The following SLAIN2 variants were observed in gnomAD, a reference collection of about 807,000 sequenced individuals.
SLAIN2 encodes the protein SLAIN motif-containing protein 2.
Under a neutral mutation model 56.6 loss-of-function variants are expected in SLAIN2, and 31 were observed. The observed-to-expected ratio is 0.55, with a 90% CI of 0.41 to 0.74. The LOEUF is 0.74. Among genes scored for constraint, SLAIN2 ranks in the 30% least tolerant of loss-of-function variants. The pLI is 0.00. For missense variants in SLAIN2, 777 were observed against 754.2 expected (o/e 1.03, Z -0.35); for synonymous variants, 317 against 284.9 (o/e 1.11, Z -1.13).
At chr4:48,412,419 C>G (rs976767501) in intron 6 of SLAIN2, among the ~76,000 whole-genome samples, 2 of 85,064 alleles carry the variant, frequency 2.4e-5, no homozygotes, top group Non-Finnish European at 5.7e-5. Context: ...CACACACATT[C>G]CCTCTCTCTC....
intron 6 of SLAIN2, among the ~76,000 whole-genome samples, chr4:48,399,903 G>A (rs185902019): frequency 3.0e-4 from 45 of 152,234 alleles, no homozygotes; most frequent in Non-Finnish European, 4.9e-4. Context: ...GGTTCAGTTT[G>A]CCAGTATTAT....
chr4:48,401,103 G>C lies in SLAIN2; in HGVS notation c.1360+17319G>C, dbSNP rs139728203. Among the ~76,000 whole-genome samples, 89 of 152,272 alleles carry C rather than the reference G, an allele frequency of 5.8e-4. No homozygotes were observed. In the East Asian group the frequency reaches 0.01, roughly 17 times the overall value. Reference sequence around the variant, plus strand: ...ACTTTCCATGTAGTTGTGTGGTTTTGAGTGGATTTCTTAATCTTGAGTTTT... The same window carrying C: ...ACTTTCCATGTAGTTGTGTGGTTTTCAGTGGATTTCTTAATCTTGAGTTTT... On this transcript the variant is annotated intron_variant, in intron 6 of 7. Coordinates refer to ENST00000264313, the MANE Select transcript of SLAIN2 (RefSeq NM_020846.2).
At chr4:48,397,459 A>G (rs1418508688) in intron 6 of SLAIN2, among the ~76,000 whole-genome samples, 1 of 152,218 alleles carries the variant, frequency 6.6e-6, no homozygotes, top group East Asian at 1.9e-4. Flanking sequence ...ACGTTGAAAT[A>G]AACAGTATTT....
chr4:48,382,482 T>C (rs6816010), intron 4 of SLAIN2, 86 bp from the exon 5 acceptor site: 531,297 of 1,316,666 alleles, frequency 0.4, 111,457 homozygotes, highest in African/African-American at 0.64. Flanking sequence ...CTTTGAATTT[T>C]TCAGTGATAA....
At position 48,422,961 on chromosome 4, in the gene SLAIN2, A is replaced by T. The variant is rs1717200301; in HGVS notation, c.*884A>T. The T allele has an allele frequency of 1.3e-5, 2 of 152,178 alleles. No individual in the cohort carries two copies. The highest frequency in any genetic ancestry group is 4.1e-4 in the South Asian group (2 of 4,836). 9.4% of individuals were successfully genotyped at this position (152,178 alleles called of 1,614,324 possible). On this transcript the variant is annotated 3_prime_UTR_variant, in exon 8 of 8. Coordinates refer to ENST00000264313, the MANE Select transcript of SLAIN2 (RefSeq NM_020846.2). ...TTGTTTCTATTAGCAGGTTTTCATGATAGGAAAGAACAAGTAGTGTGTGTC... is the reference window on the plus strand; with the variant it reads ...TTGTTTCTATTAGCAGGTTTTCATGTTAGGAAAGAACAAGTAGTGTGTGTC...
chr4:48,396,385 T>C (rs1716388453), intron 6 of SLAIN2, among the ~76,000 whole-genome samples: 1 of 152,226 alleles, frequency 6.6e-6, no homozygotes, highest in Non-Finnish European at 1.5e-5. Flanking sequence ...GCATTATCAT[T>C]ACCTACCTCT....
At chr4:48,359,342 A>G (rs1323683273) in intron 1 of SLAIN2, among the ~76,000 whole-genome samples, 1 of 152,212 alleles carries the variant, frequency 6.6e-6, no homozygotes, top group Admixed American at 6.5e-5. Context: ...CCTGTAAAAA[A>G]TTTGCATCTA....
chr4:48,341,635 C>T lies in SLAIN2; in HGVS notation c.-105C>T. On this transcript the variant is annotated 5_prime_UTR_variant, in exon 1 of 8. Coordinates refer to ENST00000264313, the MANE Select transcript of SLAIN2 (RefSeq NM_020846.2). ...GGGGCCTGGTCCTGCTATATGCCGG[C>T]GCCTCGGCTAGAGTGAGCGGCGGCG... The T allele has an allele frequency of 7.0e-7, 1 of 1,438,822 alleles. No individual in the cohort carries two copies. Among genetic ancestry groups the T allele is most frequent in the Non-Finnish European group, 9.1e-7 (1 of 1,094,930 alleles). The allele number at this position is 1,438,822 out of a possible 1,614,324, so 89.1% of individuals were successfully genotyped here.
At position 48,420,179 on chromosome 4, in the gene SLAIN2, G is replaced by A. The variant is rs548702021; in HGVS notation, c.1415G>A (p.Arg472Gln). 48 of 1,613,772 alleles carry A rather than the reference G, an allele frequency of 3.0e-5. No individual in the cohort carries two copies. The highest frequency in any genetic ancestry group is 1.7e-4 in the African/African-American group (13 of 74,998). Reference protein sequence around the residue: ...SPAAPSPLALRQPVKAFSNHG... With the variant: ...SPAAPSPLALQQPVKAFSNHG... ...GCAGCACCATCTCCTTTGGCTCTTC[G>A]GCAACCAGTGAAAGCATTTAGTAAC... Residue 472 changes from arginine to glutamine, a missense_variant, in exon 7 of 8, where the codon CGG (arginine) becomes CAG (glutamine). Physicochemically the swap from Arg to Gln is conservative, Grantham distance 43 (BLOSUM62 1). Transcript: ENST00000264313.
chr4:48,378,559 A>T (rs1715888315), intron 3 of SLAIN2, among the ~76,000 whole-genome samples: 1 of 152,176 alleles, frequency 6.6e-6, no homozygotes, highest in African/African-American at 2.4e-5. Flanking sequence ...GTTATTGTGT[A>T]GCTTACTCTT....
intron 1 of SLAIN2, among the ~76,000 whole-genome samples, chr4:48,367,133 A>G (rs1202983070): frequency 6.6e-6 from 1 of 152,232 alleles, no homozygotes; most frequent in Non-Finnish European, 1.5e-5. Context: ...TGTCCTGCTA[A>G]AGGTGAATTC....
intron 1 of SLAIN2, among the ~76,000 whole-genome samples, chr4:48,364,852 G>A (rs192580638): frequency 1.2e-4 from 17 of 141,448 alleles, no homozygotes; most frequent in Admixed American, 2.1e-4. Flanking sequence ...GAGGGAGACC[G>A]TGGGGAGACG....
rs1560458287 is a variant in SLAIN2, at chr4:48,382,538, G to A, written c.863-30G>A. On this transcript the variant is annotated intron_variant, in intron 4 of 7. Coordinates refer to ENST00000264313, the MANE Select transcript of SLAIN2 (RefSeq NM_020846.2). ...AATTATTTAAATGTTTAAAAATATT[G>A]TTTAAATAAATAACATTCATTGTTG... 3.4e-6 allele frequency: 5 copies of A among 1,456,120 alleles called. No homozygotes were observed. The African/African-American group carries it at 7.2e-5, about 21-fold the overall frequency. The allele number at this position is 1,456,120 out of a possible 1,614,324, so 90.2% of individuals were successfully genotyped here.
intron 6 of SLAIN2, among the ~76,000 whole-genome samples, chr4:48,385,184 T>C (rs1716070562): frequency 6.6e-6 from 1 of 152,232 alleles, no homozygotes; most frequent in African/African-American, 2.4e-5. Context: ...TATATTAATG[T>C]ACAAGTTGAT....
chr4:48,378,008 A>G lies in SLAIN2; in HGVS notation c.651A>G (p.Ser217=). Residue 217 remains serine, a synonymous_variant, in exon 3 of 8, where the codon TCA becomes TCG. Transcript: ENST00000264313. ...GCAGTGGCTTCAATTCTCCATCCTC[A>G]ACCCCAGTGCGACCTCCTATAGTCA... ...PYSSGFNSPS[S]TPVRPPIVKQ... The G allele has an allele frequency of 1.2e-6, 2 of 1,613,916 alleles. No individual in the cohort carries two copies. The highest frequency in any genetic ancestry group is 1.7e-6 in the Non-Finnish European group (2 of 1,179,852).
At chr4:48,367,297 G>A (rs1715545783) in intron 1 of SLAIN2, among the ~76,000 whole-genome samples, 1 of 152,180 alleles carries the variant, frequency 6.6e-6, no homozygotes, top group African/African-American at 2.4e-5. Flanking sequence ...GTAATACATA[G>A]GGACACTGAA....
intron 1 of SLAIN2, among the ~76,000 whole-genome samples, chr4:48,359,211 G>T (rs1053974667): frequency 1.3e-5 from 2 of 152,028 alleles, no homozygotes; most frequent in African/African-American, 4.8e-5. Flanking sequence ...GTCTGTGTTG[G>T]GGATTCTGCA....
At position 48,379,937 on chromosome 4, in the gene SLAIN2, A is replaced by G. The variant is rs1163257334; in HGVS notation, c.862+89A>G. ...ATATGTCTTAAAGTATTGTGGGGGT[A>G]GTAATGTAGTGAAAGTAGAAATGTT... On this transcript the variant is annotated intron_variant, in intron 4 of 7. Coordinates refer to ENST00000264313, the MANE Select transcript of SLAIN2 (RefSeq NM_020846.2). The G allele has an allele frequency of 6.9e-6, 8 of 1,156,236 alleles. No homozygotes were observed. The African/African-American group carries it at 1.1e-4, about 16-fold the overall frequency. 71.6% of individuals were successfully genotyped at this position (1,156,236 alleles called of 1,614,324 possible).
chr4:48,388,868 G>T (rs1716164526), intron 6 of SLAIN2, among the ~76,000 whole-genome samples: 1 of 152,196 alleles, frequency 6.6e-6, no homozygotes, highest in African/African-American at 2.4e-5. Flanking sequence ...CCAAACAAAA[G>T]AATATTTTTG....
Sources: allele counts gnomAD v4.1 joint callset (sites outside exome capture counted in the v4.1 genomes callset), GRCh38; gene constraint gnomAD v4.1.1; transcripts MANE v1.5; gene names NCBI Gene and HGNC (gene_info 2026-07-23, HGNC 2026-07-21).